Variants in ING5 observed in about 807,000 individuals in gnomAD.
ING5 encodes inhibitor of growth protein 5.
ING5 carries 17 observed loss-of-function variants against 37.4 expected under a neutral mutation model. That is an observed-to-expected ratio of 0.45 (90% CI 0.31 to 0.68). ING5 has a LOEUF of 0.68. Among genes scored for constraint, ING5 ranks in the 30% least tolerant of loss-of-function variants. The pLI is 0.05. For synonymous variants in ING5, 123 were observed against 116.6 expected (o/e 1.06, Z -0.36); for missense variants, 233 against 311.9 (o/e 0.75, Z 1.91).
In ING5 at chr2:241,727,336, C is replaced by CG. The variant is rs1239163972; in HGVS notation, c.*2307dup. On this transcript the variant is annotated 3_prime_UTR_variant, in exon 8 of 8. Coordinates refer to ENST00000313552, the MANE Select transcript of ING5 (RefSeq NM_032329.6). ...TGTTTTTTGTTTTGTGTTTTTGAAA[C>CG]GGAGTTTTGCTCTGTCACCCAGGCT... The CG allele has an allele frequency of 1.3e-5, 2 of 151,954 alleles. No individual in the cohort carries two copies. Among genetic ancestry groups the CG allele is most frequent in the African/African-American group, 4.8e-5 (2 of 41,306 alleles). The allele number at this position is 151,954 out of a possible 1,614,324, so 9.4% of individuals were successfully genotyped here. A position where few individuals can be genotyped will look rare whatever the true frequency, so the allele number is the denominator to read the frequency against.
chr2:241,708,981 A>G (rs2070014276), intron 2 of ING5: 1 of 380,786 alleles, frequency 2.6e-6, no homozygotes, highest in Non-Finnish European at 4.8e-6. Context: ...GCTGTGTAAC[A>G]TTCAGAGCTG....
chr2:241,708,504 G>C (rs1213708305), intron 2 of ING5, among the ~76,000 whole-genome samples: 6 of 152,202 alleles, frequency 3.9e-5, no homozygotes, highest in African/African-American at 1.4e-4. Context: ...ACCACGCCTG[G>C]CCTAGTTTTC....
chr2:241,710,911 C>A (rs1399872513), intron 3 of ING5, among the ~76,000 whole-genome samples: 1 of 151,530 alleles, frequency 6.6e-6, no homozygotes, highest in African/African-American at 2.4e-5. Context: ...CCGCGCCTGC[C>A]CTAATTTTTG....
upstream of ING5, chr2:241,701,943 G>GC (rs2069737383): frequency 6.1e-6 from 3 of 493,120 alleles, no homozygotes; most frequent in African/African-American, 2.1e-5. Flanking sequence ...GTCCGACCCC[G>GC]CCCCCGGGCG....
At chr2:241,704,100 G>T (rs2069828068) in intron 1 of ING5, among the ~76,000 whole-genome samples, 1 of 152,154 alleles carries the variant, frequency 6.6e-6, no homozygotes, top group Non-Finnish European at 1.5e-5. Context: ...CCCTGCCTGT[G>T]CTGTTGGTTT....
At chr2:241,712,796 C>T (rs974048950) in intron 5 of ING5, among the ~76,000 whole-genome samples, 1 of 152,002 alleles carries the variant, frequency 6.6e-6, no homozygotes, top group African/African-American at 2.4e-5. Flanking sequence ...GAGGCCAAGG[C>T]GGGAGGATCA....
At chr2:241,696,111 G>T (rs2069625661) in intron 2 of ING5, among the ~76,000 whole-genome samples, 1 of 152,064 alleles carries the variant, frequency 6.6e-6, no homozygotes, top group South Asian at 2.1e-4. Flanking sequence ...AACAAAACAG[G>T]CTGGGCTCGG....
chr2:241,690,011 G>A (rs1316376948), exon 2 of ING5: 1 of 152,110 alleles, frequency 6.6e-6, no homozygotes, highest in African/African-American at 2.4e-5. Flanking sequence ...GCAAGGCTGC[G>A]GTACTGTCTC....
At chr2:241,711,271 CAATT>C (rs764368657) in intron 3 of ING5, 102 bp from the exon 4 acceptor site, 26 of 692,896 alleles carry the variant, frequency 3.8e-5, no homozygotes, top group Non-Finnish European at 5.5e-5. Context: ...ATTGGAGACT[CAATT>C]AAAGGGCAAG....
At chr2:241,720,935 G>A (rs1423775334) in intron 5 of ING5, 15 of 985,482 alleles carry the variant, frequency 1.5e-5, no homozygotes, top group African/African-American at 1.7e-5. Flanking sequence ...AGCTTCTGGG[G>A]TGCCCTTGCT....
intron 2 of ING5, among the ~76,000 whole-genome samples, chr2:241,706,051 G>C (rs62191340): frequency 6.6e-6 from 1 of 151,818 alleles, no homozygotes; most frequent in Non-Finnish European, 1.5e-5. Context: ...TTCGACCCTT[G>C]TCTCCCCAGC....
upstream of ING5, among the ~76,000 whole-genome samples, chr2:241,700,484 C>A (rs2069699460): frequency 1.3e-5 from 2 of 148,778 alleles, no homozygotes; most frequent in African/African-American, 5.0e-5. Flanking sequence ...GAGATGGAAT[C>A]TTGCTCTGCT....
At chr2:241,689,865 A>G (rs1426239405) in exon 2 of ING5, 1 of 136,398 alleles carries the variant, frequency 7.3e-6, no homozygotes, top group African/African-American at 2.7e-5. Context: ...AGTAAGGAAG[A>G]CCACCTTCCA....
upstream of ING5, among the ~76,000 whole-genome samples, chr2:241,697,043 C>T (rs1194920287): frequency 3.3e-5 from 5 of 151,898 alleles, no homozygotes; most frequent in Non-Finnish European, 5.9e-5. Flanking sequence ...GATTGCGCCA[C>T]GGCACTCCAG....
chr2:241,722,444 G>A (rs1270802041), intron 5 of ING5: 4 of 985,262 alleles, frequency 4.1e-6, no homozygotes, highest in Non-Finnish European at 4.8e-6. Flanking sequence ...CCTCCTGGGG[G>A]CCCTCTGTGC....
At chr2:241,696,632 TA>T (rs1376324541) in intron 2 of ING5, among the ~76,000 whole-genome samples, 1 of 150,976 alleles carries the variant, frequency 6.6e-6, no homozygotes, top group African/African-American at 2.4e-5. Context: ...GAAAAAAAAT[TA>T]AAAATTAGCC....
intron 7 of ING5, among the ~76,000 whole-genome samples, 158 bp downstream of exon 7, chr2:241,723,429 T>G (rs1394240970): frequency 6.6e-6 from 1 of 152,258 alleles, no homozygotes; most frequent in Non-Finnish European, 1.5e-5. Context: ...GGAGTGTGGC[T>G]GGCTGGTGGC....
At chr2:241,715,029 T>C (rs369664522) in intron 5 of ING5, among the ~76,000 whole-genome samples, 24 of 152,330 alleles carry the variant, frequency 1.6e-4, no homozygotes, top group African/African-American at 5.5e-4. Context: ...CCTATACTAT[T>C]CTAGCTTTTT....
At chr2:241,696,714 G>A (rs1289981493) in intron 2 of ING5, among the ~76,000 whole-genome samples, 4 of 152,048 alleles carry the variant, frequency 2.6e-5, no homozygotes, top group African/African-American at 9.7e-5. Context: ...AACCCAGGAG[G>A]TCGAGGCTGC....
Sources: allele counts gnomAD v4.1 joint callset (sites outside exome capture counted in the v4.1 genomes callset), GRCh38; gene constraint gnomAD v4.1.1; transcripts MANE v1.5; gene names NCBI Gene and HGNC (gene_info 2026-07-23, HGNC 2026-07-21).